Variants in GPKOW observed in about 807,000 individuals in gnomAD.
The protein encoded by GPKOW is G-patch domain and KOW motifs, also known as G-patch domain and KOW motifs-containing protein.
For synonymous variants in GPKOW, 167 were observed against 159.1 expected (o/e 1.05, Z -0.37); for missense variants, 359 against 404.7 (o/e 0.89, Z 0.97).
intron 4 of GPKOW, among the ~76,000 whole-genome samples, chrX:49,119,031 A>G (rs2065204437): frequency 9.7e-6 from 1 of 103,295 alleles, no homozygotes; most frequent in African/African-American, 3.6e-5. Flanking sequence ...GGCTCACTGC[A>G]AGCTCCGCCT....
chrX:49,117,185 T>A, intron 5 of GPKOW, 23 bp from the exon 6 acceptor site: 1 of 1,205,771 alleles, frequency 8.3e-7, no homozygotes, highest in South Asian at 1.8e-5. Flanking sequence ...GGGGAAGAAG[T>A]CAGGTAGGGG....
rs1036153455 is a variant in GPKOW at position 49,123,611 on chromosome X, C to A, written c.112G>T (p.Gly38Cys). 1 of 1,209,337 alleles carries A rather than the reference C, an allele frequency of 8.3e-7. No individual in the cohort carries two copies. The highest frequency in any genetic ancestry group is 2.2e-5 in the Admixed American group (1 of 45,879). The change falls in exon 1 of 11, where the codon GGC (glycine) becomes TGC (cysteine). Residue 38 changes from glycine (G) to cysteine (C), a missense_variant. Gly to Cys is a radical substitution (Grantham distance 159, BLOSUM62 -3). Coordinates refer to ENST00000156109, the MANE Select transcript of GPKOW (RefSeq NM_015698.6). ...ARRRLADSGD[G>C]AGPSPEEKDF... Reference sequence around the variant, plus strand: ...TTCTCCTCCGGAGATGGCCCCGCGCCGTCTCCCGAGTCGGCCAGCCGCCTC... The same window carrying A: ...TTCTCCTCCGGAGATGGCCCCGCGCAGTCTCCCGAGTCGGCCAGCCGCCTC...
intron 9 of GPKOW, among the ~76,000 whole-genome samples, chrX:49,115,422 G>A (rs1341965983): frequency 9.7e-6 from 1 of 103,201 alleles, no homozygotes; most frequent in East Asian, 3.0e-4. Context: ...CAGGAAAATC[G>A]CTTGAACCTG....
In GPKOW at chrX:49,115,954, G is replaced by A. The variant is rs2065192182; in HGVS notation, c.1077C>T (p.His359=). Residue 359 remains histidine (H), a synonymous_variant, in exon 8 of 11, where the codon CAC becomes CAT. Transcript: ENST00000156109. ...CCACAAACCGCACACGCAGGTCCCT[G>A]TGCAACCAGTGCTGACTTCTGGGGG... is the stretch of plus-strand genomic sequence containing the variant. ...KAAPRSQHWL[H]RDLRVRFVDN... 2 of 1,208,916 alleles carry A rather than the reference G, an allele frequency of 1.7e-6. No homozygotes were observed. The highest frequency in any genetic ancestry group is 3.5e-5 in the African/African-American group (2 of 57,358).
Position 49,122,673 on chromosome X carries a change from C to T in GPKOW, c.280G>A (p.Gly94Arg), listed in dbSNP as rs782529218. 8.3e-7 allele frequency: 1 copy of T among 1,210,069 alleles called. No individual in the cohort carries two copies. Among genetic ancestry groups the T allele is most frequent in the Admixed American group, 2.2e-5 (1 of 45,903 alleles). The change falls in exon 2 of 11, where the codon GGG becomes AGG. Residue 94 changes from glycine (G) to arginine (R), a missense_variant. Transcript: ENST00000156109. Reference sequence around the variant, plus strand: ...GACACCACCCCATCCGCCAAGGCCCCAGTATCTGTGGATGGCCCAGGGGGC... The same window carrying T: ...GACACCACCCCATCCGCCAAGGCCCTAGTATCTGTGGATGGCCCAGGGGGC... ...ARPPGPSTDT[G>R]ALADGVVSQA...
chrX:49,118,112 G>C (rs966320361), intron 4 of GPKOW, among the ~76,000 whole-genome samples: 5 of 109,105 alleles, frequency 4.6e-5, no homozygotes, highest in Non-Finnish European at 9.5e-5. Context: ...GTAGAGACAG[G>C]GTTTCACCAT....
At chrX:49,122,270 GACA>G in intron 3 of GPKOW, 125 bp downstream of exon 3, 1 of 417,632 alleles carries the variant, frequency 2.4e-6, no homozygotes, top group Non-Finnish European at 3.7e-6. Flanking sequence ...CCAAAATGAT[GACA>G]GGAGAAGGGG....
rs1008282724 is a variant in GPKOW, at chrX:49,123,527, T to C, written c.176+20A>G. ...GCCCACCGCAGAGATTTCCAAGGGGTGAAAGACCCGGCGCGTCACCTCTGC... is the reference window on the plus strand; with the variant it reads ...GCCCACCGCAGAGATTTCCAAGGGGCGAAAGACCCGGCGCGTCACCTCTGC... On this transcript the variant is annotated intron_variant, in intron 1 of 10. Coordinates refer to ENST00000156109, the MANE Select transcript of GPKOW (RefSeq NM_015698.6). The C allele has an allele frequency of 2.5e-6, 3 of 1,178,357 alleles. No individual in the cohort carries two copies. The highest frequency in any genetic ancestry group is 3.4e-6 in the Non-Finnish European group (3 of 878,311).
Position 49,117,031 on chromosome X carries a change from G to A in GPKOW, c.912C>T (p.Leu304=). ...QQEFDKNTLD[L]RQQNGTASSR... is the part of the protein sequence containing the mutation. ...TAGCTCTACAAGAGGCTCACTCACT[G>A]AGATCCAAGGTGTTCTTGTCAAACT... The change falls in exon 6 of 11, where the codon CTC becomes CTT. Residue 304 remains leucine, a splice_region_variant and synonymous_variant. Coordinates refer to ENST00000156109, the MANE Select transcript of GPKOW (RefSeq NM_015698.6). 8.3e-7 allele frequency: 1 copy of A among 1,207,331 alleles called. No homozygotes were observed. Among genetic ancestry groups the A allele is most frequent in the Non-Finnish European group, 1.1e-6 (1 of 892,185 alleles).
At position 49,116,301 on chromosome X, in the gene GPKOW, T is replaced by G. The variant is rs782601056; in HGVS notation, c.936A>C (p.Ser312=). The G allele has an allele frequency of 2.0e-5, 24 of 1,198,399 alleles. No individual in the cohort carries two copies. The highest frequency in any genetic ancestry group is 2.5e-5 in the Non-Finnish European group (22 of 884,905). The part of the protein sequence containing the change: ...LDLRQQNGTA[S]SRKTLWNQEL... ...CTTGATTCCAGAGGGTCTTCCGTGA[T>G]GAGGCAGTTCCGTTCTGTTGCCCTG... The change falls in exon 7 of 11, where the codon TCA becomes TCC. Residue 312 remains serine (S), a synonymous_variant. Transcript: ENST00000156109.
At position 49,115,951 on chromosome X, in the gene GPKOW, C is replaced by T. The variant is rs782581407; in HGVS notation, c.1080G>A (p.Arg360=). Residue 360 remains arginine, a synonymous_variant, in exon 8 of 11, where the codon AGG becomes AGA. Transcript: ENST00000156109. ...TGTCCACAAACCGCACACGCAGGTC[C>T]CTGTGCAACCAGTGCTGACTTCTGG... The part of the protein sequence containing the change: ...AAPRSQHWLH[R]DLRVRFVDNM... 3.3e-6 allele frequency: 4 copies of T among 1,210,520 alleles called. No individual in the cohort carries two copies. The highest frequency in any genetic ancestry group is 4.5e-6 in the Non-Finnish European group (4 of 894,230).
intron 3 of GPKOW, among the ~76,000 whole-genome samples, chrX:49,120,321 G>A (rs1569524547): frequency 1.8e-5 from 2 of 111,753 alleles, no homozygotes; most frequent in South Asian, 3.7e-4. Context: ...CCCTGAGGCC[G>A]GACAAGGCTT....
chrX:49,116,194 A>C, intron 7 of GPKOW, 27 bp downstream of exon 7: 2 of 1,125,450 alleles, frequency 1.8e-6, no homozygotes, highest in Non-Finnish European at 1.2e-6. Flanking sequence ...TGCCTTCTTG[A>C]CCCCTCCCGC....
intron 4 of GPKOW, among the ~76,000 whole-genome samples, chrX:49,118,280 C>T (rs1288259858): frequency 9.0e-6 from 1 of 111,559 alleles, no homozygotes; most frequent in African/African-American, 3.3e-5. Context: ...TTTTGACCTA[C>T]AGAAACAGCA....
intron 9 of GPKOW, among the ~76,000 whole-genome samples, chrX:49,114,262 C>G (rs2065182693): frequency 9.0e-6 from 1 of 110,575 alleles, no homozygotes; most frequent in Non-Finnish European, 1.9e-5. Flanking sequence ...GCCTCAGCCT[C>G]CTGAGTAGCT....
Position 49,119,766 on chromosome X carries a change from G to A in GPKOW, c.505C>T (p.Leu169=). The A allele has an allele frequency of 8.3e-7, 1 of 1,204,294 alleles. No homozygotes were observed. Among genetic ancestry groups the A allele is most frequent in the Non-Finnish European group, 1.1e-6 (1 of 889,183 alleles). The change falls in exon 4 of 11, where the codon CTG becomes TTG. Residue 169 remains leucine (L), a synonymous_variant. Coordinates refer to ENST00000156109, the MANE Select transcript of GPKOW (RefSeq NM_015698.6). ...CAGCCCATGCCCCGCAGCATGGCCA[G>A]CCCATAGGCCTCCACGGGGACCGCC... ...YEAVPVEAYG[L]AMLRGMGWKP...
At chrX:49,116,368 G>C (rs868975825) in intron 6 of GPKOW, 45 bp from the exon 7 acceptor site, 1 of 839,960 alleles carries the variant, frequency 1.2e-6, no homozygotes, top group Non-Finnish European at 1.7e-6. Flanking sequence ...AAGAGGTTAT[G>C]AGGAGAACCA....
chrX:49,123,301 T>C (rs992100827), intron 1 of GPKOW, among the ~76,000 whole-genome samples: 1 of 111,614 alleles, frequency 9.0e-6, no homozygotes, highest in African/African-American at 3.3e-5. Flanking sequence ...GCACAGACCT[T>C]AGTGTCTTCA....
chrX:49,119,165 G>T (rs2065205026), intron 4 of GPKOW, among the ~76,000 whole-genome samples: 1 of 108,861 alleles, frequency 9.2e-6, no homozygotes, highest in East Asian at 2.9e-4. Flanking sequence ...CACCGTGTTA[G>T]CCAGGATGGT....
Sources: allele counts gnomAD v4.1 joint callset (sites outside exome capture counted in the v4.1 genomes callset), GRCh38; gene constraint gnomAD v4.1.1; transcripts MANE v1.5; gene names NCBI Gene and HGNC (gene_info 2026-07-23, HGNC 2026-07-21).